Variants in RFTN1 observed in about 807,000 individuals in gnomAD.
RFTN1 encodes the protein raftlin.
In RFTN1, 26 loss-of-function variants were observed where a neutral mutation model predicts 46.5. The ratio of observed to expected loss-of-function variants is 0.56; its 90% confidence interval spans 0.41 to 0.78. The LOEUF (loss-of-function observed/expected upper bound fraction) is 0.78. Ranked by LOEUF, RFTN1 falls within the 30% of genes least tolerant of loss-of-function variation. RFTN1 has a pLI of 0.00. For synonymous variants in RFTN1, 261 were observed against 284.2 expected, an observed-to-expected ratio of 0.92 and a Z score of 0.82; for missense variants, 693 against 718.7, an observed-to-expected ratio of 0.96 and a Z score of 0.41.
rs1379893037 is a variant in RFTN1, at chr3:16,483,351, C to A, written c.145+10374G>T. Among the ~76,000 whole-genome samples the A allele has an allele frequency of 6.6e-6, 1 of 152,128 alleles. No homozygotes were observed. The highest frequency in any genetic ancestry group is 1.9e-4 in the East Asian group (1 of 5,190). On this transcript the variant is annotated intron_variant, in intron 2 of 9. Transcript: ENST00000334133. This position sits in a 1 kb window ranked among gnomAD's most constrained non-coding sequence, Gnocchi z 4.8. The stretch of plus-strand genomic sequence containing the variant: ...CGATGTTGGGCTCCCCTGTAAAGCA[C>A]CCCCCTCCCTCCCAGAACCTGCAGG...
chr3:16,350,817 A>G (rs1175873170), intron 7 of RFTN1, among the ~76,000 whole-genome samples: 26 of 152,234 alleles, frequency 1.7e-4, no homozygotes, highest in Non-Finnish European at 3.7e-4. Flanking sequence ...ACTAAAGACT[A>G]TGATCTCAGA....
chr3:16,510,199 G>A (rs187573628), intron 1 of RFTN1, among the ~76,000 whole-genome samples: 30 of 152,278 alleles, frequency 2.0e-4, no homozygotes, highest in African/African-American at 6.7e-4. Flanking sequence ...AATCTGACCT[G>A]CCCCTCAAAA....
At chr3:16,486,355 T>C (rs566290086) in intron 2 of RFTN1, among the ~76,000 whole-genome samples, 74 of 152,176 alleles carry the variant, frequency 4.9e-4, no homozygotes, top group Non-Finnish European at 9.4e-4. Context: ...TTAAAAACCT[T>C]CAGTGCTTTT....
rs1025848252 is a variant in RFTN1, at chr3:16,469,812, G to A, written c.145+23913C>T. ...ACACAAAGCCAAAGTCAACCCCAGG[G>A]GAAGATAGGACAAACAATCACAGCA... On this transcript the variant is annotated intron_variant, in intron 2 of 9. Coordinates refer to ENST00000334133, the MANE Select transcript of RFTN1 (RefSeq NM_015150.2). 5.3e-5 allele frequency among the ~76,000 whole-genome samples: 8 copies of A among 152,296 alleles called. No individual in the cohort carries two copies. In the South Asian group the frequency reaches 8.3e-4, roughly 16 times the overall value.
At chr3:16,399,492 C>T (rs1575222709) in intron 4 of RFTN1, among the ~76,000 whole-genome samples, 1 of 152,302 alleles carries the variant, frequency 6.6e-6, no homozygotes, top group Admixed American at 6.5e-5. Context: ...GGGCTGATAA[C>T]TCCTCCATCG....
rs1197313887 is a variant in RFTN1, at chr3:16,356,035, G to A, written c.1146+1897C>T. On this transcript the variant is annotated intron_variant, in intron 7 of 9. Coordinates refer to ENST00000334133, the MANE Select transcript of RFTN1 (RefSeq NM_015150.2). The surrounding 1 kb of genome is among the most constrained non-coding windows in gnomAD (Gnocchi z 4.9). Reference sequence around the variant, plus strand: ...ACAGCCAAATGTTACGGAGCAAACTGAATGCCGGCTGCTCAGTCCTTCAGA... The same window carrying A: ...ACAGCCAAATGTTACGGAGCAAACTAAATGCCGGCTGCTCAGTCCTTCAGA... Among the ~76,000 whole-genome samples the A allele has an allele frequency of 6.6e-6, 1 of 152,194 alleles. No homozygotes were observed. The highest frequency in any genetic ancestry group is 2.4e-5 in the African/African-American group (1 of 41,428).
In RFTN1 at chr3:16,338,459, A is replaced by G. The variant is rs1171949208; in HGVS notation, c.1147-11583T>C. 4.6e-5 allele frequency among the ~76,000 whole-genome samples: 7 copies of G among 152,252 alleles called. No individual in the cohort carries two copies. Among genetic ancestry groups the G allele is most frequent in the Non-Finnish European group, 1.0e-4 (7 of 68,038 alleles). ...TGTCAGCTGCTCATCGGGACCACGT[A>G]TGCAATAGCACAGGGCTCCTGTCCT... On this transcript the variant is annotated intron_variant, in intron 7 of 9. Transcript: ENST00000334133. This position sits in a 1 kb window ranked among gnomAD's most constrained non-coding sequence, Gnocchi z 5.3.
rs1041694518 is a variant in RFTN1 at position 16,440,805 on chromosome 3, T to C, written c.146-6768A>G. On this transcript the variant is annotated intron_variant, in intron 2 of 9. Coordinates refer to ENST00000334133, the MANE Select transcript of RFTN1 (RefSeq NM_015150.2). This position sits in a 1 kb window ranked among gnomAD's most constrained non-coding sequence, Gnocchi z 4.6. ...CTGTAATTTTTTTCTCAATCCCATA[T>C]GGCCAAAGTCAAGACCTAGCAGCCT... is the stretch of plus-strand genomic sequence containing the variant. Among the ~76,000 whole-genome samples the C allele has an allele frequency of 6.6e-6, 1 of 152,216 alleles. No homozygotes were observed. Among genetic ancestry groups the C allele is most frequent in the Non-Finnish European group, 1.5e-5 (1 of 68,040 alleles).
rs2072453893 is a variant in RFTN1, at chr3:16,356,625, G to GGAC, written c.1146+1304_1146+1306dup. Among the ~76,000 whole-genome samples, 1 of 152,156 alleles carries GGAC rather than the reference G, an allele frequency of 6.6e-6. No homozygotes were observed. The highest frequency in any genetic ancestry group is 6.5e-5 in the Admixed American group (1 of 15,274). On this transcript the variant is annotated intron_variant, in intron 7 of 9. Coordinates refer to ENST00000334133, the MANE Select transcript of RFTN1 (RefSeq NM_015150.2). This position sits in a 1 kb window ranked among gnomAD's most constrained non-coding sequence, Gnocchi z 4.9. ...ATCTCCACTTCAATAACCAGGCAAG[G>GGAC]GACTGCCTCAAGGCTGCAGTTCTGG...
chr3:16,332,029 G>A (rs1187095701), intron 7 of RFTN1, among the ~76,000 whole-genome samples: 1 of 152,042 alleles, frequency 6.6e-6, no homozygotes, highest in Non-Finnish European at 1.5e-5. Flanking sequence ...TGCTTTGAAA[G>A]TTTTTAGGAT....
At position 16,460,470 on chromosome 3, in the gene RFTN1, C is replaced by T. The variant is rs2075988857; in HGVS notation, c.146-26433G>A. On this transcript the variant is annotated intron_variant, in intron 2 of 9. Transcript: ENST00000334133. The surrounding 1 kb of genome is among the most constrained non-coding windows in gnomAD (Gnocchi z 4.8). The stretch of plus-strand genomic sequence containing the variant: ...GTTTTATCTTAACAGCCCTCATACT[C>T]CTTGGACCACACCTGGGCAAGCAAA... Among the ~76,000 whole-genome samples the T allele has an allele frequency of 3.9e-5, 6 of 152,242 alleles. No individual in the cohort carries two copies. In the South Asian group the frequency reaches 1.2e-3, roughly 32 times the overall value.
chr3:16,370,250 G>C lies in RFTN1; in HGVS notation c.856C>G (p.Pro286Ala), dbSNP rs753670146. 6.2e-7 allele frequency: 1 copy of C among 1,614,216 alleles called. No homozygotes were observed. Among genetic ancestry groups the C allele is most frequent in the Non-Finnish European group, 8.5e-7 (1 of 1,180,040 alleles). ...KMEIFTLFNK[P>A]KSHQKCRQYY... ...TGCCGGCACTTCTGATGGCTCTTCG[G>C]TTTGTTGAAAAGGGTGAAGATCTCC... The change falls in exon 6 of 10, where the codon CCG becomes GCG. Residue 286 changes from proline to alanine, a missense_variant. By Grantham distance (27) the Pro-to-Ala change is conservative. Coordinates refer to ENST00000334133, the MANE Select transcript of RFTN1 (RefSeq NM_015150.2). The surrounding 1 kb of genome is among the most constrained non-coding windows in gnomAD (Gnocchi z 5.5).
rs2068342783 is a variant in RFTN1, at chr3:16,315,939, C to T, written c.*889G>A. 1 of 152,260 alleles carries T rather than the reference C, an allele frequency of 6.6e-6. No homozygotes were observed. 9.4% of individuals were successfully genotyped at this position (152,260 alleles called of 1,614,324 possible). A position where few individuals can be genotyped will look rare whatever the true frequency, so the allele number is the denominator to read the frequency against. On this transcript the variant is annotated 3_prime_UTR_variant, in exon 10 of 10. Transcript: ENST00000334133. The stretch of plus-strand genomic sequence containing the variant: ...GTTTGGTCAAGACAATCAGCATTCC[C>T]TCTCCAAGGTTCGCCAGTTGCATCT...
chr3:16,490,975 A>G (rs1232428696), intron 2 of RFTN1, among the ~76,000 whole-genome samples: 1 of 152,198 alleles, frequency 6.6e-6, no homozygotes, highest in African/African-American at 2.4e-5. Context: ...GCACTGAGGG[A>G]GCAGCAGAGA....
chr3:16,386,081 C>T (rs2074161746), intron 4 of RFTN1, among the ~76,000 whole-genome samples: 1 of 152,222 alleles, frequency 6.6e-6, no homozygotes, highest in African/African-American at 2.4e-5. Flanking sequence ...CTGTGGGAGT[C>T]AAAGAATGCA....
rs540370565 is a variant in RFTN1, at chr3:16,509,587, G to A, written c.-9+3855C>T. 5.3e-4 allele frequency among the ~76,000 whole-genome samples: 81 copies of A among 152,278 alleles called. No individual in the cohort carries two copies. The highest frequency in any genetic ancestry group is 1.9e-3 in the African/African-American group (79 of 41,558). Reference sequence around the variant, plus strand: ...TATTTTATTAACAATATTAAAATCAGTAATAAAGAGAACAGTGTTAATACA... The same window carrying A: ...TATTTTATTAACAATATTAAAATCAATAATAAAGAGAACAGTGTTAATACA... On this transcript the variant is annotated intron_variant, in intron 1 of 9. Transcript: ENST00000334133. The surrounding 1 kb of genome is among the most constrained non-coding windows in gnomAD (Gnocchi z 4.9).
At chr3:16,360,575 C>A (rs2072767930) in intron 6 of RFTN1, among the ~76,000 whole-genome samples, 1 of 152,168 alleles carries the variant, frequency 6.6e-6, no homozygotes, top group Non-Finnish European at 1.5e-5. Flanking sequence ...TTATAGAAAG[C>A]AATTTAACAA....
intron 2 of RFTN1, among the ~76,000 whole-genome samples, chr3:16,455,088 C>A (rs377749095): frequency 7.4e-4 from 112 of 152,308 alleles, no homozygotes; most frequent in Non-Finnish European, 1.4e-3. Context: ...CCTCCCACTG[C>A]AGCCAGGCTT....
rs1286871849 is a variant in RFTN1 at position 16,361,535 on chromosome 3, G to A, written c.1031-3488C>T. ...ATCAGGGTAGGGCTCCCCACTTCGA[G>A]TGAACTAAGCAAGCAAGGAACATGG... On this transcript the variant is annotated intron_variant, in intron 6 of 9. Coordinates refer to ENST00000334133, the MANE Select transcript of RFTN1 (RefSeq NM_015150.2). This position sits in a 1 kb window ranked among gnomAD's most constrained non-coding sequence, Gnocchi z 4.3. Among the ~76,000 whole-genome samples the A allele has an allele frequency of 6.6e-6, 1 of 152,166 alleles. No individual in the cohort carries two copies. The highest frequency in any genetic ancestry group is 1.5e-5 in the Non-Finnish European group (1 of 68,030).
Sources: allele counts gnomAD v4.1 joint callset (sites outside exome capture counted in the v4.1 genomes callset), GRCh38; gene constraint gnomAD v4.1.1; non-coding constraint Gnocchi (gnomAD v3.1); transcripts MANE v1.5; gene names NCBI Gene and HGNC (gene_info 2026-07-23, HGNC 2026-07-21).